The following DYNC2H1 variants were observed in gnomAD, a reference collection of about 807,000 sequenced individuals.
DYNC2H1 encodes cytoplasmic dynein 2 heavy chain 1.
DYNC2H1 carries 410 observed loss-of-function variants against 570.0 expected under a neutral mutation model. That is an observed-to-expected ratio of 0.72 (90% CI 0.66 to 0.78). DYNC2H1 has a LOEUF of 0.78. Ranked by LOEUF, DYNC2H1 falls within the 30% of genes least tolerant of loss-of-function variation. The pLI is 0.00. For synonymous variants in DYNC2H1, 1,688 were observed against 1,677.6 expected, an observed-to-expected ratio of 1.01 and a Z score of -0.15; for missense variants, 4,865 against 5,046.4, an observed-to-expected ratio of 0.96 and a Z score of 1.09.
Position 103,372,238 on chromosome 11 carries a change from C to T in DYNC2H1, c.12156+13879C>T, listed in dbSNP as rs564621093. On this transcript the variant is annotated intron_variant, in intron 83 of 88. Coordinates refer to ENST00000375735, the MANE Select transcript of DYNC2H1 (RefSeq NM_001377.3). The stretch of plus-strand genomic sequence containing the variant: ...TTGACCATGTTGTCTAGGCTGGTCT[C>T]GAACTCCTGAGCTCAAGTGATCTGC... 7.2e-5 allele frequency among the ~76,000 whole-genome samples: 11 copies of T among 151,852 alleles called. No homozygotes were observed. The South Asian group carries it at 1.5e-3, about 20-fold the overall frequency.
intron 84 of DYNC2H1, among the ~76,000 whole-genome samples, chr11:103,426,721 A>T (rs1486510016): frequency 6.6e-6 from 1 of 152,190 alleles, no homozygotes; most frequent in East Asian, 1.9e-4. Context: ...ATTTAGTATC[A>T]AAAATATAAC....
intron 83 of DYNC2H1, among the ~76,000 whole-genome samples, chr11:103,389,571 T>A (rs190694591): frequency 4.7e-4 from 72 of 152,328 alleles, no homozygotes; most frequent in Non-Finnish European, 9.0e-4. Context: ...GCTTCTCTAG[T>A]TTTTTAATTG....
chr11:103,195,923 C>T (rs542452569), intron 47 of DYNC2H1, among the ~76,000 whole-genome samples: 21 of 152,288 alleles, frequency 1.4e-4, no homozygotes, highest in African/African-American at 5.1e-4. Context: ...AGTGCTCAAA[C>T]TGTGTTTTGA....
In DYNC2H1 at chr11:103,268,907, CCT is replaced by C. The variant is rs1257631936; in HGVS notation, c.10695+8931_10695+8932del. Among the ~76,000 whole-genome samples the C allele has an allele frequency of 2.0e-5, 3 of 151,768 alleles. No homozygotes were observed. The highest frequency in any genetic ancestry group is 7.3e-5 in the African/African-American group (3 of 41,338). On this transcript the variant is annotated intron_variant, in intron 70 of 88. Coordinates refer to ENST00000375735, the MANE Select transcript of DYNC2H1 (RefSeq NM_001377.3). This position sits in a 1 kb window ranked among gnomAD's most constrained non-coding sequence, Gnocchi z 4.6. Reference sequence around the variant, plus strand: ...TATATTCACTGATGAAATTTGAACCCCTGTGTCATATTTTATAATGTAATTTG... The same window carrying C: ...TATATTCACTGATGAAATTTGAACCCGTGTCATATTTTATAATGTAATTTG...
Position 103,356,197 on chromosome 11 carries a change from ATATTT to A in DYNC2H1, c.12040-2041_12040-2037del, listed in dbSNP as rs576531505. On this transcript the variant is annotated intron_variant, in intron 82 of 88. Transcript: ENST00000375735. ...AACTGGCTTAAAATATGAAAAATAG[ATATTT>A]TATTATCTATGCTTTATAAAAAGAT... Among the ~76,000 whole-genome samples, 245 of 152,286 alleles carry A rather than the reference ATATTT, an allele frequency of 1.6e-3. 1 individual carries two copies. Among genetic ancestry groups the A allele is most frequent in the Middle Eastern group, 0.014 (4 of 294 alleles).
intron 83 of DYNC2H1, among the ~76,000 whole-genome samples, chr11:103,368,726 CTTTAA>C (rs1424911476): frequency 3.9e-5 from 6 of 152,096 alleles, no homozygotes; most frequent in Non-Finnish European, 7.4e-5. Context: ...AGTTTGAGGT[CTTTAA>C]TTTATTTTTA....
intron 75 of DYNC2H1, 103 bp from the exon 76 acceptor site, chr11:103,302,990 A>G: frequency 5.9e-6 from 5 of 851,354 alleles, no homozygotes; most frequent in Non-Finnish European, 7.9e-6. Flanking sequence ...TGAGATTACA[A>G]CTCACCTGGG....
intron 13 of DYNC2H1, among the ~76,000 whole-genome samples, chr11:103,130,241 A>C (rs1420270358): frequency 6.6e-6 from 1 of 152,176 alleles, no homozygotes; most frequent in Non-Finnish European, 1.5e-5. Context: ...GAAGGAAAGC[A>C]AATATTCAGC....
chr11:103,357,718 C>T (rs1462385668), intron 82 of DYNC2H1, among the ~76,000 whole-genome samples: 4 of 152,036 alleles, frequency 2.6e-5, no homozygotes, highest in Admixed American at 6.6e-5. Flanking sequence ...TTTGGGAGGC[C>T]GAAGTGGGAG....
chr11:103,204,786 T>A lies in DYNC2H1; in HGVS notation c.8312-36T>A, dbSNP rs566240465. On this transcript the variant is annotated intron_variant, in intron 51 of 88. Coordinates refer to ENST00000375735, the MANE Select transcript of DYNC2H1 (RefSeq NM_001377.3). The surrounding 1 kb of genome is among the most constrained non-coding windows in gnomAD (Gnocchi z 4.1). ...TCTTTAACCCAGACCACGTATAGAT[T>A]GCCTGATTGTATTATTATTCTTATA... is the stretch of plus-strand genomic sequence containing the variant. 15 of 1,534,668 alleles carry A rather than the reference T, an allele frequency of 9.8e-6. No homozygotes were observed. In the African/African-American group the frequency reaches 1.7e-4, roughly 17 times the overall value.
rs567140009 is a variant in DYNC2H1 at position 103,447,932 on chromosome 11, G to C, written c.12457-7254G>C. 2.2e-4 allele frequency among the ~76,000 whole-genome samples: 33 copies of C among 152,038 alleles called. 1 individual carries two copies. The South Asian group carries it at 6.8e-3, about 32-fold the overall frequency. ...AACAAGGTAGGACCCAAAATACTAG[G>C]ATTTTTTTTATGTTATTTGCAACTC... On this transcript the variant is annotated intron_variant, in intron 85 of 88. Coordinates refer to ENST00000375735, the MANE Select transcript of DYNC2H1 (RefSeq NM_001377.3).
intron 88 of DYNC2H1, 112 bp downstream of exon 88, chr11:103,468,817 C>G: frequency 1.3e-6 from 1 of 766,842 alleles, no homozygotes; most frequent in Non-Finnish European, 2.0e-6. Flanking sequence ...TCTAATCTCA[C>G]CTGCATTTGA....
intron 47 of DYNC2H1, 85 bp downstream of exon 47, chr11:103,192,349 C>T: frequency 1.0e-6 from 1 of 967,974 alleles, no homozygotes; most frequent in Non-Finnish European, 1.4e-6. Context: ...TTTTATAGGT[C>T]TAAACAAATA....
At chr11:103,286,536 G>A in intron 74 of DYNC2H1, 150 bp downstream of exon 74, 2 of 938,434 alleles carry the variant, frequency 2.1e-6, no homozygotes, top group Non-Finnish European at 1.5e-6. Flanking sequence ...CCACCTTATT[G>A]ACAATTAAAT....
chr11:103,425,356 G>T (rs1943629780), intron 84 of DYNC2H1, among the ~76,000 whole-genome samples: 2 of 152,176 alleles, frequency 1.3e-5, no homozygotes, highest in Admixed American at 1.3e-4. Flanking sequence ...TGCCAGCATG[G>T]TTGGGTTCTG....
At chr11:103,233,488 C>T (rs1379714559) in intron 60 of DYNC2H1, among the ~76,000 whole-genome samples, 1 of 151,564 alleles carries the variant, frequency 6.6e-6, no homozygotes, top group African/African-American at 2.4e-5. Context: ...ATATAATGTA[C>T]TAAAATGAAT....
rs987923701 is a variant in DYNC2H1, at chr11:103,244,326, A to C, written c.9918+535A>C. Among the ~76,000 whole-genome samples, 1 of 151,950 alleles carries C rather than the reference A, an allele frequency of 6.6e-6. No individual in the cohort carries two copies. The highest frequency in any genetic ancestry group is 2.1e-4 in the South Asian group (1 of 4,826). ...CTTCTCAGTTTCATGTTTATCTTGCAGAGGAAATTATTTTTGGTTAGGTTA... is the reference window on the plus strand; with the variant it reads ...CTTCTCAGTTTCATGTTTATCTTGCCGAGGAAATTATTTTTGGTTAGGTTA... On this transcript the variant is annotated intron_variant, in intron 64 of 88. Transcript: ENST00000375735. The surrounding 1 kb of genome is among the most constrained non-coding windows in gnomAD (Gnocchi z 4.3).
intron 84 of DYNC2H1, chr11:103,403,618 G>A (rs1232030580): frequency 6.6e-6 from 1 of 152,112 alleles, no homozygotes; most frequent in East Asian, 1.9e-4. Context: ...GCCTGGTCAT[G>A]TAGCAGTCAA....
chr11:103,295,582 T>G (rs1017995843), intron 75 of DYNC2H1, among the ~76,000 whole-genome samples: 5 of 152,170 alleles, frequency 3.3e-5, no homozygotes, highest in African/African-American at 1.2e-4. Flanking sequence ...AGTGGTACAA[T>G]GAAGGTCATG....
Sources: gnomAD v4.1 joint callset for allele counts (sites outside exome capture counted in the v4.1 genomes callset) on GRCh38, gnomAD v4.1.1 for gene constraint, Gnocchi (gnomAD v3.1) non-coding constraint, MANE v1.5 for transcripts, NCBI Gene and HGNC (gene_info 2026-07-23, HGNC 2026-07-21) for gene names.